CHID1: variants seen among roughly 807,000 people sequenced by gnomAD.
CHID1 encodes chitinase domain-containing protein 1.
A neutral mutation model predicts 55.4 loss-of-function variants in CHID1; 44 were observed. The observed-to-expected ratio is 0.79, with a 90% CI of 0.62 to 1.02. The LOEUF (loss-of-function observed/expected upper bound fraction) is 1.02. Among genes scored for constraint, CHID1 ranks in the 50% least tolerant of loss-of-function variants. The pLI is 0.00. For synonymous variants in CHID1, 216 were observed against 212.9 expected (o/e 1.01, Z -0.13); for missense variants, 491 against 515.3 (o/e 0.95, Z 0.46).
chr11:883,141 G>A lies in CHID1; in HGVS notation c.959+7C>T, dbSNP rs756250391. ...CTTCAGCACGGCAGGGAGAGCCCTT[G>A]GCTCACCTGGCCCCGACAACAGGCT... On this transcript the variant is annotated splice_region_variant and intron_variant, in intron 10 of 12. Transcript: ENST00000323578. 1 of 1,607,272 alleles carries A rather than the reference G, an allele frequency of 6.2e-7. No individual in the cohort carries two copies. Among genetic ancestry groups the A allele is most frequent in the Non-Finnish European group, 8.5e-7 (1 of 1,174,538 alleles).
chr11:890,395 G>A (rs561017682), intron 8 of CHID1, among the ~76,000 whole-genome samples: 6 of 152,376 alleles, frequency 3.9e-5, no homozygotes, highest in Admixed American at 2.0e-4. Flanking sequence ...GCTGAGTTGG[G>A]CTCCACATAT....
rs1230310203 is a variant in CHID1 at position 888,822 on chromosome 11, G to A, written c.701+4605C>T. Among the ~76,000 whole-genome samples, 5 of 151,982 alleles carry A rather than the reference G, an allele frequency of 3.3e-5. No individual in the cohort carries two copies. The East Asian group carries it at 7.7e-4, about 23-fold the overall frequency. On this transcript the variant is annotated intron_variant, in intron 8 of 12. Coordinates refer to ENST00000323578, the MANE Select transcript of CHID1 (RefSeq NM_023947.4). ...CCACTCGGCCTCGACTGGACCCCGG[G>A]CCCACACCAATGCCAGTGCCTGCCC...
Position 904,869 on chromosome 11 carries a change from A to C in CHID1, c.-43-10T>G, listed in dbSNP as rs763512272. The C allele has an allele frequency of 9.9e-6, 16 of 1,611,850 alleles. No individual in the cohort carries two copies. Among genetic ancestry groups the C allele is most frequent in the Non-Finnish European group, 6.8e-6 (8 of 1,179,760 alleles). ...CTCGGGGTCCAGAGGGCTGCAGGGA[A>C]AGCAGAGCACATTCAAACAACCGGC... On this transcript the variant is annotated splice_polypyrimidine_tract_variant and intron_variant, in intron 1 of 12. Coordinates refer to ENST00000323578, the MANE Select transcript of CHID1 (RefSeq NM_023947.4).
At chr11:886,649 G>T (rs574752259) in intron 8 of CHID1, among the ~76,000 whole-genome samples, 1 of 152,304 alleles carries the variant, frequency 6.6e-6, no homozygotes, top group South Asian at 2.1e-4. Context: ...TCTGCCATGC[G>T]AGGACACAGC....
intron 7 of CHID1, among the ~76,000 whole-genome samples, chr11:898,952 C>T (rs1303216100): frequency 6.6e-6 from 1 of 152,208 alleles, no homozygotes; most frequent in Non-Finnish European, 1.5e-5. Context: ...AGGAAGGCTC[C>T]CCGAAGCTCA....
At chr11:884,572 A>G (rs1333773872) in intron 8 of CHID1, among the ~76,000 whole-genome samples, 4 of 152,174 alleles carry the variant, frequency 2.6e-5, no homozygotes, top group Non-Finnish European at 5.9e-5. Flanking sequence ...CGGGGTCTGC[A>G]GCAAAGCCTC....
chr11:883,941 C>G (rs780151320), intron 9 of CHID1, 127 bp downstream of exon 9: 1 of 738,916 alleles, frequency 1.4e-6, no homozygotes, highest in African/African-American at 1.7e-5. Context: ...CCAGACTCAG[C>G]AGGTGACCTT....
At chr11:891,963 C>CA (rs1850864341) in intron 8 of CHID1, among the ~76,000 whole-genome samples, 1 of 92,386 alleles carries the variant, frequency 1.1e-5, no homozygotes, top group Non-Finnish European at 2.3e-5. Flanking sequence ...AAAAAAAACA[C>CA]AAATTAACTG....
chr11:883,655 C>T (rs1850170024), intron 9 of CHID1, among the ~76,000 whole-genome samples: 1 of 152,264 alleles, frequency 6.6e-6, no homozygotes, highest in Non-Finnish European at 1.5e-5. Flanking sequence ...CCCACAGCCA[C>T]AGGCAGGAGT....
At chr11:882,003 CAAA>C (rs773102032) in intron 10 of CHID1, among the ~76,000 whole-genome samples, 7 of 55,372 alleles carry the variant, frequency 1.3e-4, no homozygotes, top group Non-Finnish European at 7.7e-5. Flanking sequence ...GACCCTGTCT[CAAA>C]AAAAAAAAAA....
At chr11:893,574 G>A in intron 7 of CHID1, 55 bp from the exon 8 acceptor site, 1 of 1,390,368 alleles carries the variant, frequency 7.2e-7, no homozygotes, top group African/African-American at 1.4e-5. Context: ...CCTCTCCCAG[G>A]GTTCTGTGAC....
intron 10 of CHID1, among the ~76,000 whole-genome samples, chr11:872,190 C>T (rs1475320932): frequency 1.3e-5 from 2 of 152,190 alleles, no homozygotes; most frequent in Non-Finnish European, 2.9e-5. Flanking sequence ...GACAAAGTCT[C>T]GCTGTCACTC....
At chr11:911,820 C>CT (rs549527333), upstream of CHID1, among the ~76,000 whole-genome samples, 133 of 152,348 alleles carry the variant, frequency 8.7e-4, no homozygotes, top group Middle Eastern at 3.4e-3. Context: ...AGCAAACGGC[C>CT]TGGATGGTGG....
At chr11:882,866 G>A (rs1850086924) in intron 10 of CHID1, 1 of 379,362 alleles carries the variant, frequency 2.6e-6, no homozygotes. Flanking sequence ...TGTATGCTGT[G>A]GGGCAAGGCT....
At chr11:899,462 C>T (rs945722414) in intron 6 of CHID1, 61 bp from the exon 7 acceptor site, 4 of 1,491,002 alleles carry the variant, frequency 2.7e-6, no homozygotes, top group East Asian at 2.4e-5. Flanking sequence ...GGTGGAAAGA[C>T]AAGAAGCCCG....
upstream of CHID1, chr11:910,932 GA>G (rs1483859348): frequency 1.4e-6 from 1 of 694,868 alleles, no homozygotes; most frequent in Non-Finnish European, 1.8e-6. Context: ...AGGGCTGCCC[GA>G]AAGTCGGGGC....
At chr11:913,575 C>G (rs1852805634), upstream of CHID1, among the ~76,000 whole-genome samples, 1 of 151,766 alleles carries the variant, frequency 6.6e-6, no homozygotes, top group Non-Finnish European at 1.5e-5. Flanking sequence ...GAGTTCGAGA[C>G]CAGTCTGAGC....
intron 1 of CHID1, among the ~76,000 whole-genome samples, chr11:907,519 T>C (rs1379651864): frequency 6.6e-6 from 1 of 151,706 alleles, no homozygotes; most frequent in African/African-American, 2.4e-5. Context: ...TATCTTTCAC[T>C]GGGGTTGGGG....
At position 868,269 on chromosome 11, in the gene CHID1, TTG is replaced by T. The variant is rs1245903037; in HGVS notation, c.*1587_*1588del. The T allele has an allele frequency of 6.6e-6, 1 of 151,702 alleles. No individual in the cohort carries two copies. Among genetic ancestry groups the T allele is most frequent in the Non-Finnish European group, 1.5e-5 (1 of 67,988 alleles). 9.4% of individuals were successfully genotyped at this position (151,702 alleles called of 1,614,324 possible). ...TCAGTGCCCCAAAGCCAGTGGCAGC[TTG>T]TGTTTTTTTAGACAAGGTTTTTGGA... On this transcript the variant is annotated 3_prime_UTR_variant, in exon 13 of 13. Coordinates refer to ENST00000323578, the MANE Select transcript of CHID1 (RefSeq NM_023947.4).
Sources: allele counts gnomAD v4.1 joint callset (sites outside exome capture counted in the v4.1 genomes callset), GRCh38; gene constraint gnomAD v4.1.1; transcripts MANE v1.5; gene names NCBI Gene and HGNC (gene_info 2026-07-23, HGNC 2026-07-21).